Variants in ADGRL2 observed in about 807,000 individuals in gnomAD.
The protein encoded by ADGRL2 is adhesion G protein-coupled receptor L2, also known as calcium-independent alpha-latrotoxin receptor 2.
In ADGRL2, 44 loss-of-function variants were observed where a neutral mutation model predicts 157.4. That is an observed-to-expected ratio of 0.28 (90% CI 0.22 to 0.36). The LOEUF (loss-of-function observed/expected upper bound fraction) is 0.36, where lower values mean the gene tolerates loss of function less well. ADGRL2 is among the 10% of genes least tolerant of loss of function. The probability of loss-of-function intolerance (pLI) is 1.00; values close to 1 mark genes in which losing one functional copy is unlikely to be tolerated. For missense variants in ADGRL2, 1,510 were observed against 1,768.9 expected, an observed-to-expected ratio of 0.85 and a Z score of 2.63; for synonymous variants, 585 against 624.7, an observed-to-expected ratio of 0.94 and a Z score of 0.95.
intron 2 of ADGRL2, among the ~76,000 whole-genome samples, chr1:81,468,593 AT>A (rs562179572): frequency 1.8e-3 from 278 of 152,292 alleles, no homozygotes; most frequent in South Asian, 8.3e-3. Flanking sequence ...CACCTCGGAA[AT>A]TTGAATGGAA....
intron 2 of ADGRL2, among the ~76,000 whole-genome samples, chr1:81,548,192 A>G (rs2080064598): frequency 6.6e-6 from 1 of 151,822 alleles, no homozygotes; most frequent in South Asian, 2.1e-4. Context: ...CTTAACTTGC[A>G]CTCAATTTCT....
chr1:81,325,971 A>AT (rs941428875), intron 1 of ADGRL2, among the ~76,000 whole-genome samples: 3 of 152,064 alleles, frequency 2.0e-5, no homozygotes, highest in East Asian at 3.9e-4. Flanking sequence ...AGCAATGATT[A>AT]TTTTTTTCCC....
At chr1:81,658,081 T>C (rs2082573191) in intron 3 of ADGRL2, among the ~76,000 whole-genome samples, 1 of 152,170 alleles carries the variant, frequency 6.6e-6, no homozygotes, top group Non-Finnish European at 1.5e-5. Flanking sequence ...GTCTTATTAT[T>C]TGTATACATA....
intron 3 of ADGRL2, among the ~76,000 whole-genome samples, chr1:81,598,167 T>C (rs1350667253): frequency 6.6e-6 from 1 of 152,148 alleles, no homozygotes; most frequent in Admixed American, 6.5e-5. Context: ...GCTTTCAAGG[T>C]GCAGAGGTGA....
At chr1:81,839,078 G>C (rs541579767) in intron 2 of ADGRL2, among the ~76,000 whole-genome samples, 29 of 152,036 alleles carry the variant, frequency 1.9e-4, no homozygotes, top group Non-Finnish European at 4.1e-4. Context: ...AACATCTATA[G>C]AGAAAGCCAA....
intron 1 of ADGRL2, chr1:81,722,341 T>C: frequency 1.4e-6 from 1 of 704,892 alleles, no homozygotes; most frequent in Non-Finnish European, 2.6e-6. Flanking sequence ...ATCAGGCATA[T>C]GATAAGAAAG....
intron 1 of ADGRL2, among the ~76,000 whole-genome samples, chr1:81,750,288 T>C (rs2085447285): frequency 6.6e-6 from 1 of 152,214 alleles, no homozygotes; most frequent in South Asian, 2.1e-4. Flanking sequence ...GAGCAGAGCA[T>C]CTGAATGGGA....
rs566233392 is a variant in ADGRL2, at chr1:81,925,734, G to A, written c.288-10994G>A. Among the ~76,000 whole-genome samples, 6 of 151,832 alleles carry A rather than the reference G, an allele frequency of 4.0e-5. No homozygotes were observed. The South Asian group carries it at 8.3e-4, about 21-fold the overall frequency. ...TTTGATTTGTATAGGAAGTTCTGTCGGCATTTGTTGCCATGCTGTAATCAA... is the reference window on the plus strand; with the variant it reads ...TTTGATTTGTATAGGAAGTTCTGTCAGCATTTGTTGCCATGCTGTAATCAA... On this transcript the variant is annotated intron_variant, in intron 3 of 23. Coordinates refer to ENST00000686636, the MANE Select transcript of ADGRL2 (RefSeq NM_001366006.2).
intron 6 of ADGRL2, among the ~76,000 whole-genome samples, chr1:81,945,908 A>G (rs1388466033): frequency 6.6e-6 from 1 of 151,640 alleles, no homozygotes; most frequent in Non-Finnish European, 1.5e-5. Context: ...TATATTATGC[A>G]TTTAGAGACT....
chr1:81,895,101 TCAG>T (rs2094353415), intron 2 of ADGRL2, among the ~76,000 whole-genome samples: 1 of 152,120 alleles, frequency 6.6e-6, no homozygotes, highest in Non-Finnish European at 1.5e-5. Context: ...CTTGCTTGAG[TCAG>T]CAGTGGTTGC....
chr1:81,423,009 T>C (rs1156974857), intron 1 of ADGRL2, among the ~76,000 whole-genome samples: 2 of 152,204 alleles, frequency 1.3e-5, no homozygotes, highest in Non-Finnish European at 2.9e-5. Context: ...ATGTGTTTTA[T>C]CCACTGGAAA....
chr1:81,329,374 A>T (rs1661121502), intron 1 of ADGRL2, among the ~76,000 whole-genome samples: 1 of 152,060 alleles, frequency 6.6e-6, no homozygotes, highest in Non-Finnish European at 1.5e-5. Flanking sequence ...AGTTTTGTAG[A>T]CAGACATATT....
At chr1:81,463,272 C>T (rs1342584923) in intron 2 of ADGRL2, among the ~76,000 whole-genome samples, 1 of 151,802 alleles carries the variant, frequency 6.6e-6, no homozygotes, top group East Asian at 1.9e-4. Context: ...GCTAGATGCA[C>T]CTGTGGTCTT....
intron 2 of ADGRL2, among the ~76,000 whole-genome samples, chr1:81,556,129 A>G (rs1395199659): frequency 6.6e-6 from 1 of 152,114 alleles, no homozygotes; most frequent in Non-Finnish European, 1.5e-5. Flanking sequence ...TTATTTACCA[A>G]AAAATACTCA....
intron 1 of ADGRL2, among the ~76,000 whole-genome samples, chr1:81,365,765 G>T (rs2076054673): frequency 6.6e-6 from 1 of 152,026 alleles, no homozygotes; most frequent in African/African-American, 2.4e-5. Context: ...AAATCTATTG[G>T]GTGTTAATAC....
At chr1:81,802,135 C>A (rs2088283071) in intron 1 of ADGRL2, among the ~76,000 whole-genome samples, 2 of 150,908 alleles carry the variant, frequency 1.3e-5, no homozygotes, top group Non-Finnish European at 1.5e-5. Flanking sequence ...CCGGCCTCGG[C>A]CCTCTCCGGC....
intron 1 of ADGRL2, among the ~76,000 whole-genome samples, chr1:81,426,187 T>G (rs1204709386): frequency 6.6e-6 from 1 of 152,182 alleles, no homozygotes; most frequent in East Asian, 1.9e-4. Context: ...TTTGACCTAA[T>G]GATAAACTGG....
At chr1:81,608,702 A>G (rs994053522) in intron 3 of ADGRL2, among the ~76,000 whole-genome samples, 2 of 151,996 alleles carry the variant, frequency 1.3e-5, no homozygotes, top group African/African-American at 4.8e-5. Flanking sequence ...GAAAAGCCCA[A>G]CTCTGCTACT....
At chr1:81,901,326 A>C (rs2094482704) in intron 2 of ADGRL2, among the ~76,000 whole-genome samples, 1 of 152,122 alleles carries the variant, frequency 6.6e-6, no homozygotes, top group Non-Finnish European at 1.5e-5. Context: ...GAGAAAAAAA[A>C]ACTATTTTTC....
Sources: gnomAD v4.1 joint callset for allele counts (sites outside exome capture counted in the v4.1 genomes callset) on GRCh38, gnomAD v4.1.1 for gene constraint, MANE v1.5 for transcripts, NCBI Gene and HGNC (gene_info 2026-07-23, HGNC 2026-07-21) for gene names.